Variants in LY9 observed in about 807,000 individuals in gnomAD.
The protein encoded by LY9 is T-lymphocyte surface antigen Ly-9.
A neutral mutation model predicts 64.6 loss-of-function variants in LY9; 59 were observed. That is an observed-to-expected ratio of 0.91 (90% CI 0.74 to 1.13). LY9 has a LOEUF of 1.13. Among genes scored for constraint, LY9 ranks in the 50% most tolerant of loss-of-function variants. The pLI, the probability that LY9 is intolerant of heterozygous loss-of-function variation, is 0.00. For missense variants in LY9, 789 were observed against 797.2 expected, an observed-to-expected ratio of 0.99 and a Z score of 0.12; for synonymous variants, 281 against 308.5, an observed-to-expected ratio of 0.91 and a Z score of 0.93.
At position 160,823,562 on chromosome 1, in the gene LY9, C is replaced by G; in HGVS notation, c.1596C>G (p.Thr532=). ...CTGCCAGGCAACAGCCTACACCCACCTCAGACAGCAGCTCTGACAGCAACC... is the reference window on the plus strand; with the variant it reads ...CTGCCAGGCAACAGCCTACACCCACGTCAGACAGCAGCTCTGACAGCAACC... ...LRPARQQPTP[T]SDSSSDSNLT... The change falls in exon 8 of 10, where the codon ACC becomes ACG. Residue 532 remains threonine (T), a synonymous_variant. Coordinates refer to ENST00000263285, the MANE Select transcript of LY9 (RefSeq NM_002348.4). The G allele has an allele frequency of 1.2e-6, 2 of 1,614,188 alleles. No homozygotes were observed. The highest frequency in any genetic ancestry group is 1.7e-5 in the Admixed American group (1 of 60,018).
rs752867719 is a variant in LY9 at position 160,818,225 on chromosome 1, G to A, written c.1350G>A (p.Glu450=). 3 of 1,612,436 alleles carry A rather than the reference G, an allele frequency of 1.9e-6. No homozygotes were observed. The Admixed American group carries it at 5.0e-5, about 27-fold the overall frequency. The change falls in exon 6 of 10, where the codon GAG becomes GAA. Residue 450 remains glutamate (E), a synonymous_variant. Coordinates refer to ENST00000263285, the MANE Select transcript of LY9 (RefSeq NM_002348.4). ...CTCATTTCCTCCTCAAAGGACCTGA[G>A]AGAAACACAAAGCTTTGGATTGGGT... The part of the protein sequence containing the change: ...FLSENICSGP[E]RNTKLWIGLF...
At chr1:160,823,352 G>A (rs912638486) in intron 7 of LY9, 113 bp from the exon 8 acceptor site, 4 of 693,164 alleles carry the variant, frequency 5.8e-6, no homozygotes, top group East Asian at 2.7e-5. Context: ...AATCTCCTTC[G>A]GTTCTCTAGG....
rs911311753 is a variant in LY9, at chr1:160,799,848, G to A, written c.220G>A (p.Glu74Lys). Reference protein sequence around the residue: ...TLPLNISVDTEIENVIWIGPK... With the variant: ...TLPLNISVDTKIENVIWIGPK... ...CCCCCTAAACATCTCAGTAGACACA[G>A]AGATTGAGAACGTCATCTGGATTGG... The change falls in exon 2 of 10, where the codon GAG (glutamate) becomes AAG (lysine). Residue 74 changes from glutamate to lysine, a missense_variant. Glu to Lys is a moderately conservative substitution (Grantham distance 56, BLOSUM62 1). Transcript: ENST00000263285. 4 of 1,613,998 alleles carry A rather than the reference G, an allele frequency of 2.5e-6. No homozygotes were observed. The African/African-American group carries it at 4.0e-5, about 16-fold the overall frequency.
chr1:160,820,178 GA>G (rs1292037251), intron 7 of LY9, among the ~76,000 whole-genome samples: 1 of 152,144 alleles, frequency 6.6e-6, no homozygotes, highest in African/African-American at 2.4e-5. Flanking sequence ...ATCTGTGGTA[GA>G]AAAAAATTTA....
intron 2 of LY9, chr1:160,802,605 CG>C (rs1666609666): frequency 1.0e-6 from 1 of 985,422 alleles, no homozygotes; most frequent in African/African-American, 1.7e-5. Flanking sequence ...CCAGTGTACA[CG>C]TGTGGACCCC....
At chr1:160,813,423 C>T (rs1256751892) in intron 2 of LY9, 11 of 589,208 alleles carry the variant, frequency 1.9e-5, no homozygotes, top group Non-Finnish European at 3.0e-5. Context: ...GACTATTAGT[C>T]ATGCTGAGTC....
intron 2 of LY9, chr1:160,810,780 T>C (rs1667412846): frequency 6.6e-6 from 1 of 152,208 alleles, no homozygotes; most frequent in South Asian, 2.1e-4. Context: ...AAATCAGGTA[T>C]GGGTGAGACT....
intron 7 of LY9, among the ~76,000 whole-genome samples, chr1:160,820,194 T>G (rs1181438673): frequency 1.3e-5 from 2 of 152,216 alleles, no homozygotes; most frequent in East Asian, 3.9e-4. Context: ...AATTTAAAAC[T>G]TAATTAAAAT....
intron 2 of LY9, among the ~76,000 whole-genome samples, chr1:160,805,741 T>TCTCACACACA: frequency 7.1e-6 from 1 of 140,698 alleles, no homozygotes; most frequent in East Asian, 2.1e-4. Flanking sequence ...TCTCTCTGTC[T>TCTCACACACA]CACACACACA....
chr1:160,802,586 C>G, intron 2 of LY9: 1 of 985,578 alleles, frequency 1.0e-6, no homozygotes, highest in Non-Finnish European at 1.2e-6. Flanking sequence ...TTTAAATTTA[C>G]TGTAGCTGCC....
Position 160,823,923 on chromosome 1 carries a change from G to A in LY9, c.1830+127G>A, listed in dbSNP as rs112678580. On this transcript the variant is annotated intron_variant, in intron 8 of 9. Transcript: ENST00000263285. ...AACAGGACTAGGGGCATACGGGCAG[G>A]GACTCATGGCTGTGTCCATGTTTAC... is the stretch of plus-strand genomic sequence containing the variant. 3.7e-5 allele frequency: 30 copies of A among 809,944 alleles called. No homozygotes were observed. The African/African-American group carries it at 4.6e-4, about 13-fold the overall frequency. The allele number at this position is 809,944 out of a possible 1,614,324, so 50.2% of individuals were successfully genotyped here.
chr1:160,807,878 C>G (rs1269754024), intron 2 of LY9, among the ~76,000 whole-genome samples: 1 of 151,940 alleles, frequency 6.6e-6, no homozygotes, highest in Non-Finnish European at 1.5e-5. Flanking sequence ...AAGGGGGAAG[C>G]CAGGCTGAGT....
At position 160,818,204 on chromosome 1, in the gene LY9, T is replaced by C. The variant is rs1005031760; in HGVS notation, c.1343-14T>C. The stretch of plus-strand genomic sequence containing the variant: ...TCATTATTTGAATTAACATCACTCA[T>C]TTCCTCCTCAAAGGACCTGAGAGAA... On this transcript the variant is annotated splice_polypyrimidine_tract_variant and intron_variant, in intron 5 of 9. Transcript: ENST00000263285. 2 of 1,568,672 alleles carry C rather than the reference T, an allele frequency of 1.3e-6. No homozygotes were observed. Among genetic ancestry groups the C allele is most frequent in the Non-Finnish European group, 1.8e-6 (2 of 1,139,382 alleles).
In LY9 at chr1:160,817,222, C is replaced by T. The variant is rs115761208; in HGVS notation, c.1342+359C>T. 9.0e-3 allele frequency among the ~76,000 whole-genome samples: 1,369 copies of T among 152,180 alleles called. 18 individuals carry two copies. The highest frequency in any genetic ancestry group is 0.03 in the African/African-American group (1,246 of 41,508). On this transcript the variant is annotated intron_variant, in intron 5 of 9. Transcript: ENST00000263285. ...TTACACTTAGAGCACGTCTCGATTCCGATGCTAAATTTTCACTGAAAGTGT... is the reference window on the plus strand; with the variant it reads ...TTACACTTAGAGCACGTCTCGATTCTGATGCTAAATTTTCACTGAAAGTGT...
rs537218733 is a variant in LY9 at position 160,816,619 on chromosome 1, G to A, written c.1098G>A (p.Thr366=). 8.8e-5 allele frequency: 141 copies of A among 1,609,544 alleles called. 2 individuals carry two copies. The South Asian group carries it at 1.2e-3, about 14-fold the overall frequency. ...IYRRLRKPKI[T]WSLRHSEDGI... Reference sequence around the variant, plus strand: ...GCAGGCTGAGGAAGCCCAAAATCACGTGGAGCCTCAGGCACAGTGAGGATG... The same window carrying A: ...GCAGGCTGAGGAAGCCCAAAATCACATGGAGCCTCAGGCACAGTGAGGATG... The change falls in exon 5 of 10, where the codon ACG becomes ACA. Residue 366 remains threonine (T), a synonymous_variant. Transcript: ENST00000263285.
intron 4 of LY9, among the ~76,000 whole-genome samples, chr1:160,816,252 G>A (rs182947703): frequency 5.3e-4 from 80 of 152,300 alleles, no homozygotes; most frequent in Non-Finnish European, 6.8e-4. Context: ...GCCTTGAAGG[G>A]TCTTCACAGC....
intron 5 of LY9, among the ~76,000 whole-genome samples, chr1:160,817,076 AAT>A (rs1474949021): frequency 2.0e-5 from 3 of 152,230 alleles, no homozygotes; most frequent in South Asian, 2.1e-4. Context: ...TTATTTTAAT[AAT>A]ATGTTTTATT....
At chr1:160,799,589 T>A in intron 1 of LY9, 164 bp from the exon 2 acceptor site, 1 of 581,318 alleles carries the variant, frequency 1.7e-6, no homozygotes, top group South Asian at 2.2e-5. Flanking sequence ...AATGGAGGAA[T>A]TAATGACTGT....
chr1:160,802,440 G>A lies in LY9; in HGVS notation c.454+2358G>A, dbSNP rs905246940. On this transcript the variant is annotated intron_variant, in intron 2 of 9. Transcript: ENST00000263285. ...CACTCCCCGAGGAGCTGGGATCCCC[G>A]GGATGCAGGCCCACAGTGCGGGGCT... is the stretch of plus-strand genomic sequence containing the variant. 4.6e-5 allele frequency: 45 copies of A among 986,288 alleles called. No homozygotes were observed. The African/African-American group carries it at 6.4e-4, about 14-fold the overall frequency. The allele number at this position is 986,288 out of a possible 1,614,324, so 61.1% of individuals were successfully genotyped here.
Sources: gnomAD v4.1 joint callset for allele counts (sites outside exome capture counted in the v4.1 genomes callset) on GRCh38, gnomAD v4.1.1 for gene constraint, MANE v1.5 for transcripts, NCBI Gene and HGNC (gene_info 2026-07-23, HGNC 2026-07-21) for gene names.